ZNF785: variants seen among roughly 807,000 people sequenced by gnomAD.
ZNF785 encodes the protein zinc finger protein 785.
In ZNF785, 15 loss-of-function variants were observed where a neutral mutation model predicts 11.3. The observed-to-expected ratio is 1.32, with a 90% CI of 0.89 to 2.04. The LOEUF is 2.04. ZNF785 is among the 30% of genes most tolerant of loss of function. The probability of loss-of-function intolerance (pLI) is 0.00; values close to 1 mark genes in which losing one functional copy is unlikely to be tolerated. For synonymous variants in ZNF785, 221 were observed against 231.0 expected (o/e 0.96, Z 0.39); for missense variants, 572 against 560.9 (o/e 1.02, Z -0.20).
Position 30,585,381 on chromosome 16 carries a change from G to A in ZNF785, c.205+26C>T, listed in dbSNP as rs756653362. ...ACCGCTTCCCACCGACGGACTGGGG[G>A]TCCCGGCCGGAGGGCCCGGCCTCAC... On this transcript the variant is annotated intron_variant, in intron 1 of 2. Coordinates refer to ENST00000395216, the MANE Select transcript of ZNF785 (RefSeq NM_152458.7). This position sits in a 1 kb window ranked among gnomAD's most constrained non-coding sequence, Gnocchi z 4.0. 2.5e-6 allele frequency: 4 copies of A among 1,574,372 alleles called. No individual in the cohort carries two copies. The highest frequency in any genetic ancestry group is 3.7e-5 in the Admixed American group (2 of 53,876).
At chr16:30,584,962 C>G (rs1221301391) in intron 2 of ZNF785, among the ~76,000 whole-genome samples, 160 bp downstream of exon 2, 1 of 152,046 alleles carries the variant, frequency 6.6e-6, no homozygotes, top group Non-Finnish European at 1.5e-5. Flanking sequence ...CCCAATTTCG[C>G]TGTTCCATCG....
rs1198891461 is a variant in ZNF785 at position 30,581,521 on chromosome 16, A to G, written c.*1039T>C. The stretch of plus-strand genomic sequence containing the variant: ...TATCTCCAGCTACTGTGGCCCAAGA[A>G]TATATCTTTATCAAAAAATACAAAA... On this transcript the variant is annotated 3_prime_UTR_variant, in exon 3 of 3. Transcript: ENST00000395216. The G allele has an allele frequency of 6.6e-6, 1 of 152,128 alleles. No individual in the cohort carries two copies. Among genetic ancestry groups the G allele is most frequent in the Non-Finnish European group, 1.5e-5 (1 of 68,024 alleles). 9.4% of individuals were successfully genotyped at this position (152,128 alleles called of 1,614,324 possible). A position where few individuals can be genotyped will look rare whatever the true frequency, so the allele number is the denominator to read the frequency against.
In ZNF785 at chr16:30,585,557, G is replaced by C. The variant is rs565756676; in HGVS notation, c.55C>G (p.Arg19Gly). The change falls in exon 1 of 3, where the codon CGG becomes GGG. Residue 19 changes from arginine (R) to glycine (G), a missense_variant. By Grantham distance (125) the Arg-to-Gly change is moderately radical. Coordinates refer to ENST00000395216, the MANE Select transcript of ZNF785 (RefSeq NM_152458.7). The surrounding 1 kb of genome is among the most constrained non-coding windows in gnomAD (Gnocchi z 4.0). ...PAHVPGEAGPRRTRESRPGAV... is the reference protein window; with the variant it reads ...PAHVPGEAGPGRTRESRPGAV... The stretch of plus-strand genomic sequence containing the variant: ...CCCGGCCTGCTTTCCCTCGTCCTCC[G>C]GGGCCCGGCCTCCCCGGGTACGTGG... The C allele has an allele frequency of 1.8e-4, 286 of 1,558,930 alleles. 1 individual carries two copies. Among genetic ancestry groups the C allele is most frequent in the Non-Finnish European group, 2.4e-4 (272 of 1,154,300 alleles).
At position 30,583,047 on chromosome 16, in the gene ZNF785, G is replaced by A; in HGVS notation, c.731C>T (p.Ala244Val). ...CCCGGTGTGAGCCCGCCTGTGGATAGCCAGGGAACCCCTCTGGCGGAAGCG... is the reference window on the plus strand; with the variant it reads ...CCCGGTGTGAGCCCGCCTGTGGATAACCAGGGAACCCCTCTGGCGGAAGCG... ...GRRFRQRGSLAIHRRAHTGEK... is the reference protein window; with the variant it reads ...GRRFRQRGSLVIHRRAHTGEK... Residue 244 changes from alanine to valine, a missense_variant, in exon 3 of 3, where the codon GCT becomes GTT. Transcript: ENST00000395216. 6.2e-7 allele frequency: 1 copy of A among 1,612,640 alleles called. No individual in the cohort carries two copies. The highest frequency in any genetic ancestry group is 8.5e-7 in the Non-Finnish European group (1 of 1,179,696).
rs761447211 is a variant in ZNF785 at position 30,585,450 on chromosome 16, G to T, written c.162C>A (p.Tyr54Ter). The T allele has an allele frequency of 6.2e-7, 1 of 1,602,058 alleles. No individual in the cohort carries two copies. Among genetic ancestry groups the T allele is most frequent in the African/African-American group, 1.3e-5 (1 of 74,676 alleles). ...CGAAGGTCTCCCGCATCACGTCCCGGTACAGGGCCCTCTGCGCTGGCCGCA... is the reference window on the plus strand; with the variant it reads ...CGAAGGTCTCCCGCATCACGTCCCGTTACAGGGCCCTCTGCGCTGGCCGCA... ...ECLRPAQRALYRDVMRETFGH... is the reference protein window; with the variant it reads ...ECLRPAQRAL The change falls in exon 1 of 3, where the codon TAC becomes TAA. Residue 54 changes from tyrosine (Y) to a stop codon, truncating the protein, a stop_gained. Coordinates refer to ENST00000395216, the MANE Select transcript of ZNF785 (RefSeq NM_152458.7). LOFTEE classifies it high-confidence loss of function. This position sits in a 1 kb window ranked among gnomAD's most constrained non-coding sequence, Gnocchi z 4.0.
Position 30,582,123 on chromosome 16 carries a change from C to G in ZNF785, c.*437G>C, listed in dbSNP as rs74015016. 6,894 of 162,932 alleles carry G rather than the reference C, an allele frequency of 0.042. 489 individuals carry two copies. Among genetic ancestry groups the G allele is most frequent in the African/African-American group, 0.16 (6,497 of 41,712 alleles). The allele number at this position is 162,932 out of a possible 1,614,324, so 10.1% of individuals were successfully genotyped here. On this transcript the variant is annotated 3_prime_UTR_variant, in exon 3 of 3. Coordinates refer to ENST00000395216, the MANE Select transcript of ZNF785 (RefSeq NM_152458.7). ...GAATCCTGGGATGAGCTCCGCCCCC[C>G]CCACCAGCCGAGGGACAGGCCTGAG...
Position 30,582,340 on chromosome 16 carries a change from G to T in ZNF785, c.*220C>A. 1.6e-6 allele frequency: 1 copy of T among 615,554 alleles called. No homozygotes were observed. The highest frequency in any genetic ancestry group is 2.1e-5 in the South Asian group (1 of 48,648). 38.1% of individuals were successfully genotyped at this position (615,554 alleles called of 1,614,324 possible). A position where few individuals can be genotyped will look rare whatever the true frequency, so the allele number is the denominator to read the frequency against. ...TCAGTGAAGGATGGGACGTGAACACGGGGCCCTGTGTGCTGGAGCTTCAGA... is the reference window on the plus strand; with the variant it reads ...TCAGTGAAGGATGGGACGTGAACACTGGGCCCTGTGTGCTGGAGCTTCAGA... On this transcript the variant is annotated 3_prime_UTR_variant, in exon 3 of 3. Coordinates refer to ENST00000395216, the MANE Select transcript of ZNF785 (RefSeq NM_152458.7).
rs1252830757 is a variant in ZNF785, at chr16:30,583,331, C to A, written c.447G>T (p.Glu149Asp). 6.2e-7 allele frequency: 1 copy of A among 1,613,964 alleles called. No individual in the cohort carries two copies. The highest frequency in any genetic ancestry group is 8.5e-7 in the Non-Finnish European group (1 of 1,179,866). ...KEWWPSVACP[E>D]FCNPRQSPMN... ...TGGGGCTCTGCCTAGGGTTGCAGAA[C>A]TCTGGGCAGGCGACGCTGGGCCACC... The change falls in exon 3 of 3, where the codon GAG (glutamate) becomes GAT (aspartate). Residue 149 changes from glutamate to aspartate, a missense_variant. Transcript: ENST00000395216.
Position 30,582,429 on chromosome 16 carries a change from C to A in ZNF785, c.*131G>T, listed in dbSNP as rs1258014282. The A allele has an allele frequency of 3.7e-5, 49 of 1,332,876 alleles. No individual in the cohort carries two copies. The highest frequency in any genetic ancestry group is 5.0e-5 in the Non-Finnish European group (49 of 985,758). The allele number at this position is 1,332,876 out of a possible 1,614,324, so 82.6% of individuals were successfully genotyped here. ...CCTCCTCCCCACAGCCCTCTGTGCC[C>A]CTACCTCTGCTTTTTACCTAAGGCA... On this transcript the variant is annotated 3_prime_UTR_variant, in exon 3 of 3. Transcript: ENST00000395216.
At chr16:30,583,623 A>G in intron 2 of ZNF785, 180 bp from the exon 3 acceptor site, 2 of 711,848 alleles carry the variant, frequency 2.8e-6, no homozygotes, top group Non-Finnish European at 4.3e-6. Context: ...GAAGCCCTGA[A>G]AGCCAGCCTG....
Position 30,585,203 on chromosome 16 carries a change from C to A in ZNF785, c.253G>T (p.Val85Leu). Residue 85 changes from valine to leucine, a missense_variant, in exon 2 of 3, where the codon GTG becomes TTG. By Grantham distance (32) the Val-to-Leu change is conservative (BLOSUM62 1). Coordinates refer to ENST00000395216, the MANE Select transcript of ZNF785 (RefSeq NM_152458.7). The surrounding 1 kb of genome is among the most constrained non-coding windows in gnomAD (Gnocchi z 4.0). ...PAFISWVEGE[V>L]EAWSPEAQDP... ...TGGGCCTCCGGGCTCCACGCCTCCA[C>A]TTCTCCTTCCACCCACGAGATAAAA... 1 of 1,614,204 alleles carries A rather than the reference C, an allele frequency of 6.2e-7. No homozygotes were observed. The highest frequency in any genetic ancestry group is 8.5e-7 in the Non-Finnish European group (1 of 1,180,016).
rs776584188 is a variant in ZNF785, at chr16:30,582,641, T to A, written c.1137A>T (p.Ser379=). The change falls in exon 3 of 3, where the codon TCA becomes TCT. Residue 379 remains serine (S), a synonymous_variant. Coordinates refer to ENST00000395216, the MANE Select transcript of ZNF785 (RefSeq NM_152458.7). ...RAWQQAVVGR[S]EPIPVLGGKD... ...TGCCTCCCAAAACAGGGATGGGCTC[T>A]GAACGCCCCACCACGGCCTGCTGCC... 6.2e-7 allele frequency: 1 copy of A among 1,614,104 alleles called. No homozygotes were observed. Among genetic ancestry groups the A allele is most frequent in the Admixed American group, 1.7e-5 (1 of 60,012 alleles).
intron 2 of ZNF785, 57 bp from the exon 3 acceptor site, chr16:30,583,500 A>C (rs1597150117): frequency 6.6e-7 from 1 of 1,514,564 alleles, no homozygotes; most frequent in East Asian, 2.3e-5. Context: ...GAGACAGGAA[A>C]GATGATAAAG....
At position 30,582,942 on chromosome 16, in the gene ZNF785, G is replaced by C. The variant is rs745944410; in HGVS notation, c.836C>G (p.Thr279Arg). 3.1e-6 allele frequency: 5 copies of C among 1,614,154 alleles called. No homozygotes were observed. Among genetic ancestry groups the C allele is most frequent in the Admixed American group, 1.7e-5 (1 of 60,022 alleles). ...GGGGCAGCTGTAGGGCTTCTCGCCCGTGTGCTTGCGCTGGTGGATGGCCAG... is the reference window on the plus strand; with the variant it reads ...GGGGCAGCTGTAGGGCTTCTCGCCCCTGTGCTTGCGCTGGTGGATGGCCAG... The part of the protein sequence containing the change: ...YLLAIHQRKH[T>R]GEKPYSCPDC... The change falls in exon 3 of 3, where the codon ACG becomes AGG. Residue 279 changes from threonine (T) to arginine (R), a missense_variant. Coordinates refer to ENST00000395216, the MANE Select transcript of ZNF785 (RefSeq NM_152458.7).
At position 30,585,638 on chromosome 16, in the gene ZNF785, G is replaced by A; in HGVS notation, c.-27C>T. 6.9e-7 allele frequency: 1 copy of A among 1,454,852 alleles called. No individual in the cohort carries two copies. Among genetic ancestry groups the A allele is most frequent in the Non-Finnish European group, 9.0e-7 (1 of 1,111,752 alleles). 90.1% of individuals were successfully genotyped at this position (1,454,852 alleles called of 1,614,324 possible). On this transcript the variant is annotated 5_prime_UTR_variant, in exon 1 of 3. Transcript: ENST00000395216. This position sits in a 1 kb window ranked among gnomAD's most constrained non-coding sequence, Gnocchi z 4.0. ...GGAAACCCTTTCTGCCTGGCAAAGG[G>A]AGGCTTCCGGGGAAGGTGGAGATGC...
At chr16:30,578,902 A>C (rs1138163), downstream of ZNF785, 1 of 148,970 alleles carries the variant, frequency 6.7e-6, no homozygotes, top group Non-Finnish European at 1.5e-5. Context: ...CTATAGCCTC[A>C]AACTCCTGGG....
At position 30,583,264 on chromosome 16, in the gene ZNF785, G is replaced by T; in HGVS notation, c.514C>A (p.His172Asn). Reference protein sequence around the residue: ...LKDTLTRRLPHSCPDCGRNFS... With the variant: ...LKDTLTRRLPNSCPDCGRNFS... ...TTGCGGCCACAGTCTGGGCAAGAGT[G>T]GGGCAGTCTTCGGGTCAGAGTGTCC... The change falls in exon 3 of 3, where the codon CAC (histidine) becomes AAC (asparagine). Residue 172 changes from histidine to asparagine, a missense_variant. Transcript: ENST00000395216. The T allele has an allele frequency of 6.2e-7, 1 of 1,613,790 alleles. No homozygotes were observed. The highest frequency in any genetic ancestry group is 8.5e-7 in the Non-Finnish European group (1 of 1,179,768).
At position 30,583,346 on chromosome 16, in the gene ZNF785, G is replaced by T. The variant is rs752749276; in HGVS notation, c.432C>A (p.Ser144Arg). The T allele has an allele frequency of 2.7e-5, 43 of 1,613,554 alleles. 1 individual carries two copies. The South Asian group carries it at 4.6e-4, about 17-fold the overall frequency. The change falls in exon 3 of 3, where the codon AGC (serine) becomes AGA (arginine). Residue 144 changes from serine to arginine, a missense_variant. Ser to Arg is a moderately radical substitution (Grantham distance 110). Coordinates refer to ENST00000395216, the MANE Select transcript of ZNF785 (RefSeq NM_152458.7). ...GGTTGCAGAACTCTGGGCAGGCGAC[G>T]CTGGGCCACCACTCCTTGACAGCCA... Reference protein sequence around the residue: ...HEVAVKEWWPSVACPEFCNPR... With the variant: ...HEVAVKEWWPRVACPEFCNPR...
At position 30,583,315 on chromosome 16, in the gene ZNF785, GC is replaced by G; in HGVS notation, c.462del (p.Arg154SerfsTer5). On this transcript the variant is annotated frameshift_variant, in exon 3 of 3. Coordinates refer to ENST00000395216, the MANE Select transcript of ZNF785 (RefSeq NM_152458.7). LOFTEE classifies it low-confidence loss of function (END_TRUNC). ...TTGAGCCAGGGATTCATGGGGCTCT[GC>G]CTAGGGTTGCAGAACTCTGGGCAGG... Reference protein sequence around the residue: ...SVACPEFCNPRQSPMNPWLKD... With the variant: ...SVACPEFCNPXQSPMNPWLKD... The G allele has an allele frequency of 1.2e-6, 2 of 1,614,032 alleles. No individual in the cohort carries two copies. Among genetic ancestry groups the G allele is most frequent in the Non-Finnish European group, 1.7e-6 (2 of 1,179,920 alleles).
Sources: gnomAD v4.1 joint callset for allele counts (sites outside exome capture counted in the v4.1 genomes callset) on GRCh38, gnomAD v4.1.1 for gene constraint, Gnocchi (gnomAD v3.1) non-coding constraint, MANE v1.5 for transcripts, NCBI Gene and HGNC (gene_info 2026-07-23, HGNC 2026-07-21) for gene names.